The following BANP variants were observed in gnomAD, a reference collection of about 807,000 sequenced individuals.
BANP encodes the protein protein BANP.
In BANP, 11 loss-of-function variants were observed where a neutral mutation model predicts 68.1. The observed-to-expected ratio is 0.16, with a 90% CI of 0.10 to 0.27. The LOEUF (loss-of-function observed/expected upper bound fraction) is 0.27. BANP is among the 10% of genes least tolerant of loss of function. BANP has a pLI of 1.00. For synonymous variants in BANP, 329 were observed against 303.2 expected (o/e 1.09, Z -0.88); for missense variants, 504 against 722.7 (o/e 0.70, Z 3.47).
intron 11 of BANP, among the ~76,000 whole-genome samples, chr16:88,063,627 C>T (rs937365662): frequency 1.1e-4 from 16 of 152,146 alleles, no homozygotes; most frequent in African/African-American, 3.9e-4. Flanking sequence ...GTTTCAGATC[C>T]GATCACAGCT....
chr16:87,966,259 C>T (rs1030660200), intron 1 of BANP, among the ~76,000 whole-genome samples: 1 of 152,062 alleles, frequency 6.6e-6, no homozygotes, highest in Admixed American at 6.5e-5. Flanking sequence ...GGGCTGTAGG[C>T]CCTGCTTTCC....
At chr16:87,996,944 G>A (rs2067419915) in intron 4 of BANP, among the ~76,000 whole-genome samples, 1 of 152,178 alleles carries the variant, frequency 6.6e-6, no homozygotes, top group Non-Finnish European at 1.5e-5. Flanking sequence ...GCCTGTTGAT[G>A]TCTGTTCACA....
chr16:88,055,896 C>T (rs2084882273), intron 11 of BANP, among the ~76,000 whole-genome samples: 1 of 152,220 alleles, frequency 6.6e-6, no homozygotes. Context: ...GAGAAGCCTT[C>T]TCTACCAGAA....
chr16:87,958,594 C>T (rs905481400), intron 1 of BANP, among the ~76,000 whole-genome samples: 1 of 80,352 alleles, frequency 1.2e-5, no homozygotes, highest in Non-Finnish European at 2.6e-5. Context: ...CTTTGGGAAG[C>T]GGAAACTGGA....
chr16:88,056,145 T>C (rs1389636436), intron 11 of BANP, among the ~76,000 whole-genome samples: 1 of 152,208 alleles, frequency 6.6e-6, no homozygotes, highest in Non-Finnish European at 1.5e-5. Flanking sequence ...GCTCTGACAC[T>C]GGAGGGGTCC....
intron 1 of BANP, among the ~76,000 whole-genome samples, chr16:87,962,005 T>C (rs903783240): frequency 6.6e-6 from 1 of 151,948 alleles, no homozygotes; most frequent in Admixed American, 6.6e-5. Context: ...TTTGGGAGGA[T>C]GAGGTGGGTG....
chr16:88,050,127 G>C (rs1292007003), intron 11 of BANP, among the ~76,000 whole-genome samples: 5 of 152,178 alleles, frequency 3.3e-5, no homozygotes, highest in African/African-American at 4.8e-5. Flanking sequence ...GATAGATCCA[G>C]CTAAACATAG....
Position 88,018,308 on chromosome 16 carries a change from G to A in BANP, c.656-120G>A, listed in dbSNP as rs2075076720. The A allele has an allele frequency of 2.3e-6, 3 of 1,292,472 alleles. No individual in the cohort carries two copies. Among genetic ancestry groups the A allele is most frequent in the East Asian group, 4.7e-5 (2 of 42,910 alleles). 80.1% of individuals were successfully genotyped at this position (1,292,472 alleles called of 1,614,324 possible). A position where few individuals can be genotyped will look rare whatever the true frequency, so the allele number is the denominator to read the frequency against. ...GGTGACTGCCTCACAAGTTACGAGGGATTTGCCCAGCCCTGCGTGGAGCAT... is the reference window on the plus strand; with the variant it reads ...GGTGACTGCCTCACAAGTTACGAGGAATTTGCCCAGCCCTGCGTGGAGCAT... On this transcript the variant is annotated intron_variant, in intron 6 of 13. Coordinates refer to ENST00000682872, the MANE Select transcript of BANP (RefSeq NM_001386991.1). This position sits in a 1 kb window ranked among gnomAD's most constrained non-coding sequence, Gnocchi z 7.7.
chr16:88,049,478 C>G, intron 11 of BANP, among the ~76,000 whole-genome samples: 1 of 152,068 alleles, frequency 6.6e-6, no homozygotes, highest in East Asian at 1.9e-4. Flanking sequence ...TTTATGGAAA[C>G]TTCGTGACAT....
rs189509988 is a variant in BANP, at chr16:87,957,376, G to T, written c.-69+5861G>T. ...GGAAGGCTGGGCAGAATGGATCGGG[G>T]GTGTGTATTGGCTGCAGTCACCTCC... On this transcript the variant is annotated intron_variant, in intron 1 of 13. Coordinates refer to ENST00000682872, the MANE Select transcript of BANP (RefSeq NM_001386991.1). This position sits in a 1 kb window ranked among gnomAD's most constrained non-coding sequence, Gnocchi z 4.3. Among the ~76,000 whole-genome samples, 183 of 152,324 alleles carry T rather than the reference G, an allele frequency of 1.2e-3. No individual in the cohort carries two copies. The highest frequency in any genetic ancestry group is 4.2e-3 in the African/African-American group (174 of 41,574).
At chr16:88,015,552 A>C (rs1478088227) in intron 6 of BANP, among the ~76,000 whole-genome samples, 10 of 152,252 alleles carry the variant, frequency 6.6e-5, no homozygotes, top group Admixed American at 1.3e-4. Flanking sequence ...CCCGCTCTGG[A>C]ATGTTCTCTG....
chr16:88,058,955 G>A (rs946124683), intron 11 of BANP, among the ~76,000 whole-genome samples: 4 of 152,072 alleles, frequency 2.6e-5, no homozygotes, highest in African/African-American at 9.7e-5. Flanking sequence ...GTGGGCCCCT[G>A]AGCCGCTGCT....
At chr16:88,065,246 T>C (rs2088186228) in intron 11 of BANP, 21 bp from the exon 12 acceptor site, 4 of 730,602 alleles carry the variant, frequency 5.5e-6, no homozygotes, top group Non-Finnish European at 1.0e-5. Context: ...AGGGGAAAAT[T>C]CGTTTTCTTG....
intron 8 of BANP, among the ~76,000 whole-genome samples, chr16:88,027,981 G>T (rs1342442802): frequency 2.6e-5 from 4 of 152,246 alleles, no homozygotes; most frequent in Non-Finnish European, 5.9e-5. Flanking sequence ...GATTTGCCGG[G>T]TGACTCCGGG....
chr16:88,076,882 G>A lies in BANP; in HGVS notation c.*221G>A, dbSNP rs186837941. On this transcript the variant is annotated 3_prime_UTR_variant, in exon 14 of 14. Transcript: ENST00000682872. ...CTTTCGTTTGAGTCCTGCTGTTGGTGTCGGAGCACGAGGGGAGGCACGGTG... is the reference window on the plus strand; with the variant it reads ...CTTTCGTTTGAGTCCTGCTGTTGGTATCGGAGCACGAGGGGAGGCACGGTG... 9.5e-4 allele frequency: 521 copies of A among 545,940 alleles called. 2 individuals are homozygous for A. The highest frequency in any genetic ancestry group is 8.9e-3 in the African/African-American group (464 of 52,300). The allele number at this position is 545,940 out of a possible 1,614,324, so 33.8% of individuals were successfully genotyped here.
intron 1 of BANP, among the ~76,000 whole-genome samples, chr16:87,974,806 C>T (rs140982011): frequency 5.2e-4 from 79 of 152,200 alleles, no homozygotes; most frequent in Admixed American, 1.7e-3. Flanking sequence ...ACAGTGGAAA[C>T]GGAGAGGCCC....
At chr16:87,962,451 G>C (rs936945629) in intron 1 of BANP, among the ~76,000 whole-genome samples, 2 of 152,024 alleles carry the variant, frequency 1.3e-5, no homozygotes, top group African/African-American at 4.8e-5. Flanking sequence ...ATCTGTACAG[G>C]TGCAAGCTCT....
At chr16:88,015,231 G>C (rs1158920785) in intron 6 of BANP, among the ~76,000 whole-genome samples, 5 of 142,114 alleles carry the variant, frequency 3.5e-5, no homozygotes, top group African/African-American at 1.4e-4. Context: ...CCCTCTGCCT[G>C]TGCCCCTTCA....
intron 12 of BANP, among the ~76,000 whole-genome samples, chr16:88,069,300 CTTTTTCT>C (rs2089681370): frequency 2.0e-5 from 3 of 152,174 alleles, no homozygotes; most frequent in African/African-American, 7.2e-5. Context: ...ATTGACCTGC[CTTTTTCT>C]TTTTTCTTTT....
Sources: gnomAD v4.1 joint callset for allele counts (sites outside exome capture counted in the v4.1 genomes callset) on GRCh38, gnomAD v4.1.1 for gene constraint, Gnocchi (gnomAD v3.1) non-coding constraint, MANE v1.5 for transcripts, NCBI Gene and HGNC (gene_info 2026-07-23, HGNC 2026-07-21) for gene names.